Variants in DAGLA observed in about 807,000 individuals in gnomAD.
DAGLA encodes the protein diacylglycerol lipase-alpha.
DAGLA carries 22 observed loss-of-function variants against 102.6 expected under a neutral mutation model. The ratio of observed to expected loss-of-function variants is 0.21; its 90% CI spans 0.15 to 0.31. DAGLA has a LOEUF of 0.31. Among genes scored for constraint, DAGLA ranks in the 10% least tolerant of loss-of-function variants. DAGLA has a pLI of 1.00. For synonymous variants in DAGLA, 578 were observed against 628.9 expected, an observed-to-expected ratio of 0.92 and a Z score of 1.21; for missense variants, 927 against 1,446.6, an observed-to-expected ratio of 0.64 and a Z score of 5.83.
chr11:61,709,583 C>G (rs1396570805), intron 1 of DAGLA, among the ~76,000 whole-genome samples: 1 of 152,158 alleles, frequency 6.6e-6, no homozygotes. Flanking sequence ...CTTCTGGAAA[C>G]CCACTGAAGA....
chr11:61,723,217 T>C (rs2065298793), intron 4 of DAGLA, among the ~76,000 whole-genome samples: 2 of 152,042 alleles, frequency 1.3e-5, no homozygotes, highest in Non-Finnish European at 2.9e-5. Context: ...CCCACAGAGC[T>C]GCCTGCTCTG....
chr11:61,703,620 G>A lies in DAGLA; in HGVS notation c.-44-16492G>A, dbSNP rs565961997. 1.1e-4 allele frequency among the ~76,000 whole-genome samples: 16 copies of A among 152,334 alleles called. No homozygotes were observed. In the South Asian group the frequency reaches 3.3e-3, roughly 32 times the overall value. ...ACGTAAGAGGGAGAGGGCTTTCTAA[G>A]TGTGATGAACAGTGTAGAATGACTG... On this transcript the variant is annotated intron_variant, in intron 1 of 19. Transcript: ENST00000257215.
intron 19 of DAGLA, 82 bp downstream of exon 19, chr11:61,741,431 C>T: frequency 2.1e-6 from 3 of 1,456,856 alleles, no homozygotes; most frequent in South Asian, 2.6e-5. Context: ...GCATTTTGTG[C>T]ATGCACTGGG....
chr11:61,735,493 C>T, intron 10 of DAGLA, 68 bp from the exon 11 acceptor site: 5 of 1,422,958 alleles, frequency 3.5e-6, no homozygotes, highest in Non-Finnish European at 2.9e-6. Context: ...AGGAGACCTG[C>T]CTAGGTCACT....
rs1441881531 is a variant in DAGLA, at chr11:61,723,543, G to C, written c.519G>C (p.Arg173Ser). Residue 173 changes from arginine (R) to serine (S), a missense_variant, in exon 5 of 20, where the codon AGG (arginine) becomes AGC (serine). Arg to Ser is a moderately radical substitution (Grantham distance 110, BLOSUM62 -1). Coordinates refer to ENST00000257215, the MANE Select transcript of DAGLA (RefSeq NM_006133.3). ...TCAAGCTGAGAGCCACCAAGAGGAG[G>C]CAGCGTAACCTGCGGACCTACAACC... Reference protein sequence around the residue: ...TFVKLRATKRRQRNLRTYNLR... With the variant: ...TFVKLRATKRSQRNLRTYNLR... The C allele has an allele frequency of 6.2e-7, 1 of 1,614,106 alleles. No individual in the cohort carries two copies. Among genetic ancestry groups the C allele is most frequent in the Non-Finnish European group, 8.5e-7 (1 of 1,180,004 alleles).
In DAGLA at chr11:61,744,895, A is replaced by C; in HGVS notation, c.*406A>C. On this transcript the variant is annotated 3_prime_UTR_variant, in exon 20 of 20. Coordinates refer to ENST00000257215, the MANE Select transcript of DAGLA (RefSeq NM_006133.3). ...GGTGGAGAGCAGTGCCCCCCGACACATGTATTCTCATCTGTGGTCCAGGCC... is the reference window on the plus strand; with the variant it reads ...GGTGGAGAGCAGTGCCCCCCGACACCTGTATTCTCATCTGTGGTCCAGGCC... 1 of 188,204 alleles carries C rather than the reference A, an allele frequency of 5.3e-6. No individual in the cohort carries two copies. The highest frequency in any genetic ancestry group is 1.1e-5 in the Non-Finnish European group (1 of 90,278). The allele number at this position is 188,204 out of a possible 1,614,324, so 11.7% of individuals were successfully genotyped here. A position where few individuals can be genotyped will look rare whatever the true frequency, so the allele number is the denominator to read the frequency against.
intron 19 of DAGLA, 51 bp from the exon 20 acceptor site, chr11:61,743,480 GT>G: frequency 7.0e-7 from 1 of 1,419,984 alleles, no homozygotes; most frequent in Non-Finnish European, 9.4e-7. Flanking sequence ...CTGGGGTTCA[GT>G]CCCCTCTCCC....
At chr11:61,703,172 C>A (rs574836999) in intron 1 of DAGLA, among the ~76,000 whole-genome samples, 2 of 152,338 alleles carry the variant, frequency 1.3e-5, no homozygotes, top group Admixed American at 6.5e-5. Context: ...TGAGCTCCCC[C>A]AACCTGCCAA....
chr11:61,716,968 G>A (rs993388958), intron 1 of DAGLA, among the ~76,000 whole-genome samples: 1 of 152,116 alleles, frequency 6.6e-6, no homozygotes, highest in Non-Finnish European at 1.5e-5. Context: ...AGAGGCAGGA[G>A]GAGCCCCCAG....
At chr11:61,713,165 G>C (rs1207407692) in intron 1 of DAGLA, among the ~76,000 whole-genome samples, 1 of 152,204 alleles carries the variant, frequency 6.6e-6, no homozygotes, top group African/African-American at 2.4e-5. Context: ...TGAGTCTGAA[G>C]CTAGATGAAG....
intron 1 of DAGLA, among the ~76,000 whole-genome samples, chr11:61,719,193 T>C (rs1177676006): frequency 6.6e-6 from 1 of 152,192 alleles, no homozygotes; most frequent in African/African-American, 2.4e-5. Flanking sequence ...GTGAGGGCCC[T>C]GAGTTCCTGG....
intron 5 of DAGLA, 120 bp from the exon 6 acceptor site, chr11:61,725,875 A>C: frequency 2.2e-6 from 2 of 914,664 alleles, no homozygotes; most frequent in Non-Finnish European, 3.5e-6. Flanking sequence ...CCCAGAACCC[A>C]CTGCGGGAAC....
chr11:61,704,101 C>G (rs2065131242), intron 1 of DAGLA, among the ~76,000 whole-genome samples: 1 of 146,306 alleles, frequency 6.8e-6, no homozygotes, highest in Non-Finnish European at 1.5e-5. Flanking sequence ...TACTATCAAA[C>G]AAAGTAGGTC....
Position 61,736,369 on chromosome 11 carries a change from C to A in DAGLA, c.1371+19C>A. ...AGACCTGGTGAGGAATTTTCCATGG[C>A]ACCAAGCCTTTTCACACCTGGGTCC... On this transcript the variant is annotated intron_variant, in intron 13 of 19. Transcript: ENST00000257215. The A allele has an allele frequency of 6.2e-7, 1 of 1,607,798 alleles. No homozygotes were observed. Among genetic ancestry groups the A allele is most frequent in the Non-Finnish European group, 8.5e-7 (1 of 1,174,310 alleles).
In DAGLA at chr11:61,744,066, G is replaced by A. The variant is rs2065511938; in HGVS notation, c.2706G>A (p.Leu902=). Residue 902 remains leucine (L), a synonymous_variant, in exon 20 of 20, where the codon CTG becomes CTA. Transcript: ENST00000257215. ...AGCTGGCGCTGCACAATGGGCGCCT[G>A]GGGGACTCGCCCAGTCCTCAGGTGC... is the stretch of plus-strand genomic sequence containing the variant. ...RGELALHNGR[L]GDSPSPQVLE... is the part of the protein sequence containing the mutation. 1.9e-6 allele frequency: 3 copies of A among 1,612,838 alleles called. No homozygotes were observed. Among genetic ancestry groups the A allele is most frequent in the Non-Finnish European group, 1.7e-6 (2 of 1,179,958 alleles).
At chr11:61,737,371 T>G (rs2065432316) in intron 14 of DAGLA, 47 bp downstream of exon 14, 1 of 1,603,368 alleles carries the variant, frequency 6.2e-7, no homozygotes, top group Non-Finnish European at 8.5e-7. Context: ...TTGGGACCAG[T>G]GGAGGCTGAG....
chr11:61,718,923 G>A lies in DAGLA; in HGVS notation c.-44-1189G>A, dbSNP rs1398515870. On this transcript the variant is annotated intron_variant, in intron 1 of 19. Transcript: ENST00000257215. ...CTTGGCTGCTTCCTCCCCGAATGAT[G>A]CCGGGCTCCTCGGACACACATTTTC... Among the ~76,000 whole-genome samples the A allele has an allele frequency of 2.0e-5, 3 of 152,276 alleles. No individual in the cohort carries two copies. The East Asian group carries it at 5.8e-4, about 29-fold the overall frequency.
intron 8 of DAGLA, among the ~76,000 whole-genome samples, chr11:61,730,065 GAA>G (rs375050067): frequency 7.2e-6 from 1 of 139,286 alleles, no homozygotes; most frequent in African/African-American, 2.6e-5. Context: ...TTAAAAAGAA[GAA>G]AAAAAAAAAA....
At chr11:61,718,313 C>T (rs1162428376) in intron 1 of DAGLA, among the ~76,000 whole-genome samples, 1 of 152,130 alleles carries the variant, frequency 6.6e-6, no homozygotes, top group East Asian at 1.9e-4. Context: ...AGATTCATTC[C>T]ATTTCATTCT....
Sources: gnomAD v4.1 joint callset for allele counts (sites outside exome capture counted in the v4.1 genomes callset) on GRCh38, gnomAD v4.1.1 for gene constraint, MANE v1.5 for transcripts, NCBI Gene and HGNC (gene_info 2026-07-23, HGNC 2026-07-21) for gene names.